Variants in ZNF609 observed in about 807,000 individuals in gnomAD.
The protein encoded by ZNF609 is zinc finger protein 609.
A neutral mutation model predicts 109.5 loss-of-function variants in ZNF609; 11 were observed. That is an observed-to-expected ratio of 0.10 (90% CI 0.06 to 0.17). The LOEUF (loss-of-function observed/expected upper bound fraction) is 0.17. Among genes scored for constraint, ZNF609 ranks in the 10% least tolerant of loss-of-function variants. The pLI is 1.00. For missense variants in ZNF609, 1,559 were observed against 1,772.4 expected, an observed-to-expected ratio of 0.88 and a Z score of 2.16; for synonymous variants, 646 against 662.0, an observed-to-expected ratio of 0.98 and a Z score of 0.37.
At chr15:64,671,329 A>G (rs1896727700) in intron 4 of ZNF609, 1 of 152,076 alleles carries the variant, frequency 6.6e-6, no homozygotes. Flanking sequence ...TGGCCCCTGC[A>G]CAAGGGTGAC....
At position 64,680,795 on chromosome 15, in the gene ZNF609, A is replaced by ACACCAC; in HGVS notation, c.4108_4113dup (p.His1370_His1371dup). ...CTCCTTCCCAGCGCCTGATGTCCAC[A>ACACCAC]CACCACCACCACCACCACTTGGGGT... On this transcript the variant is annotated inframe_insertion, in exon 8 of 10. Transcript: ENST00000326648. 3 of 1,613,302 alleles carry ACACCAC rather than the reference A, an allele frequency of 1.9e-6. No individual in the cohort carries two copies. Among genetic ancestry groups the ACACCAC allele is most frequent in the Non-Finnish European group, 1.7e-6 (2 of 1,179,878 alleles).
At position 64,562,528 on chromosome 15, in the gene ZNF609, C is replaced by T. The variant is rs79100313; in HGVS notation, c.748-60299C>T. Among the ~76,000 whole-genome samples, 1,348 of 152,306 alleles carry T rather than the reference C, an allele frequency of 8.9e-3. 24 individuals carry two copies. Among genetic ancestry groups the T allele is most frequent in the African/African-American group, 0.031 (1,295 of 41,570 alleles). Reference sequence around the variant, plus strand: ...GATGAAGGCACTAATGTGACACCCACACCGGGCTCAATTTATTAGTAATCC... The same window carrying T: ...GATGAAGGCACTAATGTGACACCCATACCGGGCTCAATTTATTAGTAATCC... On this transcript the variant is annotated intron_variant, in intron 2 of 9. Coordinates refer to ENST00000326648, the MANE Select transcript of ZNF609 (RefSeq NM_015042.2).
chr15:64,479,650 G>T (rs1893223330), intron 1 of ZNF609, among the ~76,000 whole-genome samples: 2 of 152,032 alleles, frequency 1.3e-5, no homozygotes, highest in South Asian at 4.2e-4. Flanking sequence ...TGGGTGTGGT[G>T]GTTCACGCCT....
intron 2 of ZNF609, among the ~76,000 whole-genome samples, chr15:64,512,761 G>T (rs144224746): frequency 6.6e-6 from 1 of 152,162 alleles, no homozygotes; most frequent in East Asian, 1.9e-4. Flanking sequence ...GCCTGAAGAA[G>T]AGTAATTAGA....
intron 2 of ZNF609, among the ~76,000 whole-genome samples, chr15:64,606,133 G>A (rs184137073): frequency 6.5e-4 from 95 of 146,080 alleles, no homozygotes; most frequent in African/African-American, 2.3e-3. Context: ...TTTATTTTGG[G>A]GATAGAGTCT....
chr15:64,499,161 T>C, intron 1 of ZNF609, 132 bp from the exon 2 acceptor site: 1 of 405,826 alleles, frequency 2.5e-6, no homozygotes, highest in African/African-American at 2.0e-5. Flanking sequence ...GAAATACAAT[T>C]GAACCTGTTT....
Position 64,652,485 on chromosome 15 carries a change from C to T in ZNF609, c.974-17861C>T, listed in dbSNP as rs573032449. Among the ~76,000 whole-genome samples, 37 of 151,282 alleles carry T rather than the reference C, an allele frequency of 2.4e-4. No homozygotes were observed. The South Asian group carries it at 7.5e-3, about 31-fold the overall frequency. On this transcript the variant is annotated intron_variant, in intron 3 of 9. Coordinates refer to ENST00000326648, the MANE Select transcript of ZNF609 (RefSeq NM_015042.2). ...CACTACAGCCTCGACCTCCCAGGCT[C>T]AGCCATTCTCCCCACCTCAGCCTTC...
At chr15:64,651,154 G>A (rs971785012) in intron 3 of ZNF609, among the ~76,000 whole-genome samples, 5 of 151,830 alleles carry the variant, frequency 3.3e-5, no homozygotes, top group Admixed American at 3.3e-4. Context: ...ATGTAAGCCT[G>A]GTCCTATTTA....
At chr15:64,564,751 A>T (rs148572845) in intron 2 of ZNF609, among the ~76,000 whole-genome samples, 1 of 152,060 alleles carries the variant, frequency 6.6e-6, no homozygotes, top group Non-Finnish European at 1.5e-5. Context: ...GTATAAGAGC[A>T]TGTCAAATTT....
At chr15:64,517,880 A>G (rs1305171598) in intron 2 of ZNF609, among the ~76,000 whole-genome samples, 4 of 151,968 alleles carry the variant, frequency 2.6e-5, no homozygotes, top group Non-Finnish European at 5.9e-5. Flanking sequence ...CCTGGGCTCA[A>G]GTGATCCTCC....
intron 3 of ZNF609, chr15:64,643,634 C>CT: frequency 6.6e-6 from 1 of 152,258 alleles, no homozygotes; most frequent in South Asian, 2.1e-4. Context: ...GCATATTCAA[C>CT]TTCTAGAGAA....
intron 2 of ZNF609, among the ~76,000 whole-genome samples, chr15:64,565,232 G>GTATTATTATTATTAC (rs1555419585): frequency 1.4e-5 from 2 of 138,736 alleles, no homozygotes; most frequent in Admixed American, 1.5e-4. Flanking sequence ...GCTAATTTTT[G>GTATTATTATTATTAC]TATTATTATT....
At chr15:64,665,494 G>A (rs1896632281) in intron 3 of ZNF609, among the ~76,000 whole-genome samples, 1 of 152,198 alleles carries the variant, frequency 6.6e-6, no homozygotes, top group Non-Finnish European at 1.5e-5. Flanking sequence ...GCTCATGCCT[G>A]TAATCCCAGC....
At chr15:64,661,654 C>G (rs1046692958) in intron 3 of ZNF609, among the ~76,000 whole-genome samples, 1 of 152,162 alleles carries the variant, frequency 6.6e-6, no homozygotes, top group Admixed American at 6.5e-5. Context: ...TTTGTTGTCT[C>G]TTATGCTGAG....
At chr15:64,587,801 T>C (rs1180342496) in intron 2 of ZNF609, among the ~76,000 whole-genome samples, 1 of 152,104 alleles carries the variant, frequency 6.6e-6, no homozygotes, top group Non-Finnish European at 1.5e-5. Context: ...CCTGATTGTC[T>C]ATGGATGTGG....
At chr15:64,658,516 G>A (rs1896524896) in intron 3 of ZNF609, among the ~76,000 whole-genome samples, 2 of 151,716 alleles carry the variant, frequency 1.3e-5, no homozygotes, top group South Asian at 4.1e-4. Context: ...AATTATTGAA[G>A]GGCCACATAC....
intron 3 of ZNF609, among the ~76,000 whole-genome samples, chr15:64,661,759 G>T (rs1312163888): frequency 6.6e-6 from 1 of 152,076 alleles, no homozygotes; most frequent in Admixed American, 6.6e-5. Context: ...TGCCAACCCA[G>T]GAGTGGACCT....
At chr15:64,503,551 T>C (rs555883149) in intron 2 of ZNF609, among the ~76,000 whole-genome samples, 1 of 152,222 alleles carries the variant, frequency 6.6e-6, no homozygotes, top group South Asian at 2.1e-4. Flanking sequence ...ATGGCAACGA[T>C]CTATCTGTGC....
intron 2 of ZNF609, among the ~76,000 whole-genome samples, chr15:64,580,125 G>C (rs1895073938): frequency 6.6e-6 from 1 of 152,160 alleles, no homozygotes; most frequent in Non-Finnish European, 1.5e-5. Context: ...GTCAGAGAGA[G>C]ATTTAAAAAT....
Sources: allele counts gnomAD v4.1 joint callset (sites outside exome capture counted in the v4.1 genomes callset), GRCh38; gene constraint gnomAD v4.1.1; transcripts MANE v1.5; gene names NCBI Gene and HGNC (gene_info 2026-07-23, HGNC 2026-07-21).